The following RBFOX1 variants were observed in gnomAD, a reference collection of about 807,000 sequenced individuals.
RBFOX1 encodes RNA binding protein fox-1 homolog 1.
Under a neutral mutation model 57.7 loss-of-function variants are expected in RBFOX1, and 8 were observed. That is an observed-to-expected ratio of 0.14 (90% CI 0.08 to 0.25). The LOEUF (loss-of-function observed/expected upper bound fraction) is 0.25. Ranked by LOEUF, RBFOX1 falls within the 10% of genes least tolerant of loss-of-function variation. The pLI, the probability that RBFOX1 is intolerant of heterozygous loss-of-function variation, is 1.00. For synonymous variants in RBFOX1, 326 were observed against 222.4 expected (o/e 1.47, Z -4.15); for missense variants, 611 against 548.5 (o/e 1.11, Z -1.14).
At position 6,834,923 on chromosome 16, in the gene RBFOX1, C is replaced by T. The variant is rs186533584; in HGVS notation, c.-16+180273C>T. Among the ~76,000 whole-genome samples the T allele has an allele frequency of 3.0e-3, 430 of 142,178 alleles. 3 individuals carry two copies. Among genetic ancestry groups the T allele is most frequent in the Non-Finnish European group, 4.6e-3 (305 of 66,520 alleles). 93.3% of individuals were successfully genotyped at this position (142,178 alleles called of 152,430 possible). Reference sequence around the variant, plus strand: ...TTTTTTTTTTTTTGAGATGGTGTCTCGCTCTGTTGCCCAGGCTGGAGTGCA... The same window carrying T: ...TTTTTTTTTTTTTGAGATGGTGTCTTGCTCTGTTGCCCAGGCTGGAGTGCA... On this transcript the variant is annotated intron_variant, in intron 3 of 15. Transcript: ENST00000550418.
intron 4 of RBFOX1, among the ~76,000 whole-genome samples, chr16:7,432,360 C>T (rs1405963717): frequency 6.6e-6 from 1 of 152,184 alleles, no homozygotes; most frequent in South Asian, 2.1e-4. Context: ...CTCATCTTTA[C>T]TCTTTGAAAA....
chr16:5,762,717 C>T (rs974601506), intron 3 of RBFOX1, among the ~76,000 whole-genome samples: 8 of 152,162 alleles, frequency 5.3e-5, no homozygotes, highest in Admixed American at 2.6e-4. Context: ...AATGATGGTT[C>T]TGGCCATAAA....
At chr16:6,095,148 C>A (rs1445416412) in intron 1 of RBFOX1, among the ~76,000 whole-genome samples, 1 of 152,224 alleles carries the variant, frequency 6.6e-6, no homozygotes, top group African/African-American at 2.4e-5. Context: ...CATATATCAT[C>A]ATCCTCAGCA....
At chr16:6,859,664 A>T (rs1351335722) in intron 3 of RBFOX1, among the ~76,000 whole-genome samples, 1 of 152,172 alleles carries the variant, frequency 6.6e-6, no homozygotes, top group South Asian at 2.1e-4. Flanking sequence ...GATACTCAAT[A>T]ATGGAACCAT....
chr16:5,547,806 A>T (rs187434909), intron 2 of RBFOX1, among the ~76,000 whole-genome samples: 1 of 152,236 alleles, frequency 6.6e-6, no homozygotes, highest in Non-Finnish European at 1.5e-5. Context: ...CAGAAAACCA[A>T]ATACTACATG....
chr16:6,818,333 T>G (rs1461360745), intron 3 of RBFOX1, among the ~76,000 whole-genome samples: 1 of 151,956 alleles, frequency 6.6e-6, no homozygotes, highest in Non-Finnish European at 1.5e-5. Context: ...TAAATGGGTG[T>G]GACATACGGA....
intron 4 of RBFOX1, among the ~76,000 whole-genome samples, chr16:5,909,539 C>A (rs748401847): frequency 1.3e-5 from 2 of 152,238 alleles, no homozygotes; most frequent in African/African-American, 4.8e-5. Flanking sequence ...GTGCAGGAGG[C>A]ACGGTTTATA....
At chr16:6,685,381 T>G (rs62015868) in intron 3 of RBFOX1, among the ~76,000 whole-genome samples, 2 of 147,124 alleles carry the variant, frequency 1.4e-5, no homozygotes, top group Admixed American at 6.8e-5. Context: ...GTTCAAGCAA[T>G]TCTCTTGCCT....
intron 1 of RBFOX1, among the ~76,000 whole-genome samples, chr16:6,252,722 A>G (rs1049396892): frequency 2.0e-5 from 3 of 152,230 alleles, no homozygotes; most frequent in African/African-American, 7.2e-5. Context: ...AGATATTCAA[A>G]CAAGATAAGT....
intron 3 of RBFOX1, among the ~76,000 whole-genome samples, chr16:6,665,638 AAGAAG>A (rs769533383): frequency 7.7e-6 from 1 of 130,056 alleles, no homozygotes; most frequent in South Asian, 2.5e-4. Flanking sequence ...AAAAAAAAAA[AAGAAG>A]AAGGAGGGAG....
At chr16:6,905,026 G>A (rs552794131) in intron 3 of RBFOX1, among the ~76,000 whole-genome samples, 2 of 152,174 alleles carry the variant, frequency 1.3e-5, no homozygotes, top group Admixed American at 1.3e-4. Context: ...AAGAGTTAGA[G>A]GAATTTTTCA....
rs74008548 is a variant in RBFOX1 at position 7,049,317 on chromosome 16, C to A, written c.-15-2740C>A. Among the ~76,000 whole-genome samples the A allele has an allele frequency of 9.7e-3, 1,477 of 152,208 alleles. 14 individuals are homozygous for A. Among genetic ancestry groups the A allele is most frequent in the African/African-American group, 0.034 (1,402 of 41,526 alleles). On this transcript the variant is annotated intron_variant, in intron 3 of 15. Transcript: ENST00000550418. Reference sequence around the variant, plus strand: ...AGCAATGGGAGGTGGGAGTTGTTTGCCCAACCTCTTGAGACCACAGTCCTA... The same window carrying A: ...AGCAATGGGAGGTGGGAGTTGTTTGACCAACCTCTTGAGACCACAGTCCTA...
At chr16:6,911,224 C>T (rs993847336) in intron 3 of RBFOX1, among the ~76,000 whole-genome samples, 1 of 146,966 alleles carries the variant, frequency 6.8e-6, no homozygotes, top group Admixed American at 6.8e-5. Context: ...AAAAAGCAAA[C>T]TGAAGACTTG....
chr16:6,520,583 AT>A (rs1380609332), intron 2 of RBFOX1, among the ~76,000 whole-genome samples: 8 of 152,208 alleles, frequency 5.3e-5, no homozygotes, highest in Admixed American at 4.6e-4. Flanking sequence ...GTGAAAAAAA[AT>A]AATTCATTAG....
At chr16:7,396,919 C>G (rs545883510) in intron 4 of RBFOX1, among the ~76,000 whole-genome samples, 1 of 152,012 alleles carries the variant, frequency 6.6e-6, no homozygotes, top group Non-Finnish European at 1.5e-5. Flanking sequence ...CCGGCCTGGG[C>G]TATAGGGTGA....
chr16:7,010,522 C>G (rs1028066656), intron 3 of RBFOX1, among the ~76,000 whole-genome samples: 24 of 150,782 alleles, frequency 1.6e-4, no homozygotes, highest in African/African-American at 5.9e-4. Flanking sequence ...GGGAGAGACA[C>G]TGATCACATC....
chr16:7,227,018 T>A (rs1056251746), intron 4 of RBFOX1, among the ~76,000 whole-genome samples: 5 of 152,038 alleles, frequency 3.3e-5, no homozygotes, highest in African/African-American at 1.2e-4. Context: ...TAAAGTTGAG[T>A]TGTGGTTGTC....
chr16:7,454,834 A>G (rs2058166563), intron 4 of RBFOX1, among the ~76,000 whole-genome samples: 1 of 152,218 alleles, frequency 6.6e-6, no homozygotes, highest in African/African-American at 2.4e-5. Context: ...AGTCCTCAGG[A>G]CAAGGATGGA....
chr16:5,924,812 T>C (rs1031557326), intron 4 of RBFOX1, among the ~76,000 whole-genome samples: 4 of 152,218 alleles, frequency 2.6e-5, no homozygotes, highest in Admixed American at 2.6e-4. Flanking sequence ...TGTCTCCAGA[T>C]ACTGTGTTCC....
Sources: gnomAD v4.1 joint callset for allele counts (sites outside exome capture counted in the v4.1 genomes callset) on GRCh38, gnomAD v4.1.1 for gene constraint, MANE v1.5 for transcripts, NCBI Gene and HGNC (gene_info 2026-07-23, HGNC 2026-07-21) for gene names.